The following MYO1B variants were observed in gnomAD, a reference collection of about 807,000 sequenced individuals.
MYO1B encodes the protein myosin IB.
A neutral mutation model predicts 159.7 loss-of-function variants in MYO1B; 72 were observed. The ratio of observed to expected loss-of-function variants is 0.45; its 90% CI spans 0.37 to 0.55. The LOEUF is 0.55. Among genes scored for constraint, MYO1B ranks in the 20% least tolerant of loss-of-function variants. The probability of loss-of-function intolerance (pLI) is 0.00; values close to 1 mark genes in which losing one functional copy is unlikely to be tolerated. For missense variants in MYO1B, 1,062 were observed against 1,364.8 expected (o/e 0.78, Z 3.50); for synonymous variants, 468 against 473.8 (o/e 0.99, Z 0.16).
intron 23 of MYO1B, chr2:191,401,985 A>G (rs934461955): frequency 2.0e-5 from 3 of 152,612 alleles, no homozygotes; most frequent in Non-Finnish European, 4.4e-5. Context: ...CTATAAGTTT[A>G]ACCTATAATT....
intron 30 of MYO1B, among the ~76,000 whole-genome samples, chr2:191,417,791 CTTG>C (rs1418814465): frequency 2.0e-5 from 3 of 152,194 alleles, no homozygotes; most frequent in Admixed American, 1.3e-4. Flanking sequence ...TCCCTGAAAT[CTTG>C]TTGTGATTCT....
chr2:191,279,492 C>T (rs762254628), intron 2 of MYO1B, among the ~76,000 whole-genome samples: 12 of 152,034 alleles, frequency 7.9e-5, no homozygotes, highest in Non-Finnish European at 1.5e-4. Flanking sequence ...TATTGTAGGA[C>T]TTAAGTCAAT....
At chr2:191,406,296 C>G (rs1696913068) in intron 24 of MYO1B, among the ~76,000 whole-genome samples, 1 of 152,212 alleles carries the variant, frequency 6.6e-6, no homozygotes. Context: ...GAAGCTGTTT[C>G]ACTTCCTTAT....
intron 3 of MYO1B, among the ~76,000 whole-genome samples, chr2:191,301,729 G>A (rs1420005548): frequency 6.6e-6 from 1 of 152,174 alleles, no homozygotes; most frequent in African/African-American, 2.4e-5. Context: ...ATACTCAGTC[G>A]ATACTTAATC....
intron 1 of MYO1B, among the ~76,000 whole-genome samples, chr2:191,256,230 T>C (rs1158158927): frequency 6.6e-6 from 1 of 152,194 alleles, no homozygotes; most frequent in African/African-American, 2.4e-5. Context: ...ATACTGGTTT[T>C]TGAAACTTGA....
intron 21 of MYO1B, among the ~76,000 whole-genome samples, chr2:191,400,145 G>T (rs948730998): frequency 6.6e-6 from 1 of 152,128 alleles, no homozygotes; most frequent in African/African-American, 2.4e-5. Flanking sequence ...TTCCCATTGT[G>T]TATCAGGGTA....
chr2:191,409,086 T>G lies in MYO1B; in HGVS notation c.2674T>G (p.Leu892Val). The change falls in exon 26 of 31, where the codon TTA becomes GTA. Residue 892 changes from leucine to valine, a missense_variant. Around this residue, in one of 5 missense-constraint regions of MYO1B, gnomAD observed 609 missense variants for 744.4 expected, o/e 0.82. Transcript: ENST00000392318. Reference protein sequence around the residue: ...FLEMKNKMPSLSPIDKNWPSR... With the variant: ...FLEMKNKMPSVSPIDKNWPSR... Reference sequence around the variant, plus strand: ...GGAAATGAAAAATAAGATGCCTTCCTTATCTCCAATAGACAAGAATTGGCC... The same window carrying G: ...GGAAATGAAAAATAAGATGCCTTCCGTATCTCCAATAGACAAGAATTGGCC... 1 of 1,612,672 alleles carries G rather than the reference T, an allele frequency of 6.2e-7. No individual in the cohort carries two copies. Among genetic ancestry groups the G allele is most frequent in the South Asian group, 1.1e-5 (1 of 90,374 alleles).
intron 19 of MYO1B, among the ~76,000 whole-genome samples, chr2:191,392,714 G>A (rs1168615725): frequency 1.3e-5 from 2 of 152,082 alleles, no homozygotes; most frequent in African/African-American, 2.4e-5. Context: ...ATTTGGAAAC[G>A]TTAAGATTTT....
intron 13 of MYO1B, among the ~76,000 whole-genome samples, chr2:191,375,469 A>AT (rs1694637179): frequency 3.0e-5 from 4 of 134,922 alleles, no homozygotes; most frequent in African/African-American, 1.1e-4. Flanking sequence ...ATGATTTGTA[A>AT]AAGATAGATA....
At chr2:191,300,339 ATT>A (rs35917445) in intron 3 of MYO1B, among the ~76,000 whole-genome samples, 2,660 of 140,866 alleles carry the variant, frequency 0.019, 63 homozygotes, top group African/African-American at 0.068. Flanking sequence ...TTACTTGTCA[ATT>A]TTTTTTTTTT....
intron 7 of MYO1B, among the ~76,000 whole-genome samples, chr2:191,357,436 C>T (rs1693372758): frequency 6.6e-6 from 1 of 152,182 alleles, no homozygotes; most frequent in African/African-American, 2.4e-5. Flanking sequence ...CCCTTAACTT[C>T]CCCACTAGAG....
chr2:191,345,872 C>T (rs868124512), intron 5 of MYO1B, among the ~76,000 whole-genome samples: 89 of 152,184 alleles, frequency 5.8e-4, no homozygotes, highest in African/African-American at 2.1e-3. Flanking sequence ...TCTGAAATAA[C>T]CTTATTCAGT....
chr2:191,397,830 C>T (rs917295256), intron 21 of MYO1B, among the ~76,000 whole-genome samples: 1 of 145,884 alleles, frequency 6.9e-6, no homozygotes, highest in African/African-American at 2.6e-5. Context: ...GGCTGACCAC[C>T]CCACCACCCT....
At chr2:191,361,179 T>C (rs533293307) in intron 8 of MYO1B, among the ~76,000 whole-genome samples, 42 of 152,312 alleles carry the variant, frequency 2.8e-4, no homozygotes, top group Non-Finnish European at 4.7e-4. Context: ...ACTGCCTCAG[T>C]CTGGACTTGG....
intron 4 of MYO1B, among the ~76,000 whole-genome samples, chr2:191,331,830 G>A (rs1168861778): frequency 6.6e-6 from 1 of 152,144 alleles, no homozygotes; most frequent in African/African-American, 2.4e-5. Context: ...AGGAAGAATT[G>A]GATCTTACAA....
intron 1 of MYO1B, among the ~76,000 whole-genome samples, chr2:191,255,061 A>G (rs1236876385): frequency 6.6e-6 from 1 of 151,418 alleles, no homozygotes; most frequent in East Asian, 2.0e-4. Context: ...CCAAGCAGCT[A>G]GGACTACAGG....
intron 13 of MYO1B, among the ~76,000 whole-genome samples, chr2:191,372,524 A>C (rs143509515): frequency 2.6e-4 from 40 of 152,314 alleles, no homozygotes; most frequent in African/African-American, 9.4e-4. Flanking sequence ...CCTTGTCTGC[A>C]TGGAGCTTAG....
At position 191,362,254 on chromosome 2, in the gene MYO1B, CTT is replaced by C. The variant is rs1161784018; in HGVS notation, c.662-12_662-11del. 1.2e-6 allele frequency: 2 copies of C among 1,601,346 alleles called. No individual in the cohort carries two copies. Among genetic ancestry groups the C allele is most frequent in the African/African-American group, 2.7e-5 (2 of 74,644 alleles). ...ATTGAAGCAACTTAACAACTTGTGT[CTT>C]TGATTCAATAGATAAACTTAAGCTT... On this transcript the variant is annotated splice_polypyrimidine_tract_variant and intron_variant, in intron 8 of 30. Transcript: ENST00000392318.
chr2:191,421,344 A>G (rs573904146), intron 30 of MYO1B, among the ~76,000 whole-genome samples: 2 of 152,206 alleles, frequency 1.3e-5, no homozygotes, highest in African/African-American at 2.4e-5. Context: ...TGCTGGGATT[A>G]CTGTCATGAT....
Sources: allele counts gnomAD v4.1 joint callset (sites outside exome capture counted in the v4.1 genomes callset), GRCh38; gene constraint gnomAD v4.1.1; regional missense constraint gnomAD v4.1.1; transcripts MANE v1.5; gene names NCBI Gene and HGNC (gene_info 2026-07-23, HGNC 2026-07-21).